Variants in TENM3 observed in about 807,000 individuals in gnomAD.
TENM3 encodes teneurin transmembrane protein 3.
TENM3 carries 63 observed loss-of-function variants against 255.1 expected under a neutral mutation model. The ratio of observed to expected loss-of-function variants is 0.25; its 90% CI spans 0.20 to 0.30. TENM3 has a LOEUF of 0.30. Ranked by LOEUF, TENM3 falls within the 10% of genes least tolerant of loss-of-function variation. TENM3 has a pLI of 1.00. For synonymous variants in TENM3, 1,306 were observed against 1,322.3 expected (o/e 0.99, Z 0.27); for missense variants, 2,929 against 3,461.1 (o/e 0.85, Z 3.86).
chr4:181,457,499 A>G, the TENM3 span, among the ~76,000 whole-genome samples: 20,131 of 151,730 alleles, frequency 0.13, 1,512 homozygotes, highest in East Asian at 0.27. Context: ...TCAAGAGAAT[A>G]GTGCATTATT....
chr4:181,909,334 T>C, the TENM3 span, among the ~76,000 whole-genome samples: 1 of 152,234 alleles, frequency 6.6e-6, no homozygotes, highest in Non-Finnish European at 1.5e-5. Flanking sequence ...TGTGGTATTG[T>C]GGGGACTAAA....
At chr4:181,803,569 T>G in the TENM3 span, among the ~76,000 whole-genome samples, 1 of 152,138 alleles carries the variant, frequency 6.6e-6, no homozygotes, top group Non-Finnish European at 1.5e-5. Flanking sequence ...TCTAGACCAG[T>G]GCCTTAAACT....
At chr4:181,481,301 TG>T in the TENM3 span, among the ~76,000 whole-genome samples, 3 of 152,118 alleles carry the variant, frequency 2.0e-5, no homozygotes, top group African/African-American at 7.2e-5. Context: ...GGTAACATGA[TG>T]TTTCATGCCG....
the TENM3 span, among the ~76,000 whole-genome samples, chr4:181,633,080 G>A: frequency 6.6e-6 from 1 of 152,050 alleles, no homozygotes; most frequent in African/African-American, 2.4e-5. Flanking sequence ...TCTTCCCTGG[G>A]GGAAACTTCA....
At chr4:182,069,686 A>AACACACACACACAC in the TENM3 span, among the ~76,000 whole-genome samples, 3,677 of 149,516 alleles carry the variant, frequency 0.025, 77 homozygotes, top group South Asian at 0.059. Context: ...TAGATGCATA[A>AACACACACACACAC]ACACACACAC....
chr4:181,616,079 TAAC>T, the TENM3 span, among the ~76,000 whole-genome samples: 2 of 151,988 alleles, frequency 1.3e-5, no homozygotes, highest in Admixed American at 1.3e-4. Flanking sequence ...TAAATGTAAA[TAAC>T]AACACAAATG....
At chr4:182,132,032 GA>G in the TENM3 span, among the ~76,000 whole-genome samples, 1 of 822 alleles carries the variant, frequency 1.2e-3, no homozygotes, top group African/African-American at 2.0e-3. Context: ...TTAAAACAGT[GA>G]TTTTTACTTT....
the TENM3 span, among the ~76,000 whole-genome samples, chr4:181,857,310 C>T: frequency 7.0e-6 from 1 of 142,680 alleles, no homozygotes; most frequent in Admixed American, 7.4e-5. Flanking sequence ...AATACAAAGA[C>T]AGACGTCAGA....
intron 3 of TENM3, among the ~76,000 whole-genome samples, chr4:182,508,931 A>G (rs1046761501): frequency 2.0e-4 from 30 of 152,192 alleles, no homozygotes; most frequent in African/African-American, 6.5e-4. Context: ...CGTCCAGTAA[A>G]TTTTCTTTTG....
chr4:181,819,288 G>A, the TENM3 span, among the ~76,000 whole-genome samples: 3 of 151,932 alleles, frequency 2.0e-5, no homozygotes, highest in African/African-American at 4.8e-5. Context: ...CACCCAAAAC[G>A]AGATCCAATT....
intron 4 of TENM3, among the ~76,000 whole-genome samples, chr4:182,611,222 A>C (rs1434078066): frequency 6.6e-6 from 1 of 152,050 alleles, no homozygotes; most frequent in African/African-American, 2.4e-5. Flanking sequence ...ACAAAACCTC[A>C]ACCCCCAAAT....
intron 2 of TENM3, among the ~76,000 whole-genome samples, chr4:182,326,714 C>CT (rs1235034824): frequency 7.4e-6 from 1 of 134,366 alleles, no homozygotes; most frequent in East Asian, 2.3e-4. Context: ...ATTTTAAAGA[C>CT]ATTTTTTTTA....
the TENM3 span, among the ~76,000 whole-genome samples, chr4:181,979,238 G>T: frequency 4.2e-5 from 6 of 143,250 alleles, no homozygotes; most frequent in Non-Finnish European, 6.0e-5. Context: ...TTTTTTCTTC[G>T]TATTTCTTAT....
At chr4:182,775,679 C>T (rs756899161) in intron 24 of TENM3, among the ~76,000 whole-genome samples, 6 of 152,146 alleles carry the variant, frequency 3.9e-5, no homozygotes, top group Non-Finnish European at 7.3e-5. Flanking sequence ...GTGCACACAG[C>T]GTCACACCTG....
the TENM3 span, among the ~76,000 whole-genome samples, chr4:181,832,220 C>A: frequency 6.6e-6 from 1 of 151,982 alleles, no homozygotes; most frequent in African/African-American, 2.4e-5. Flanking sequence ...AGTGGGTCCC[C>A]AAGAGCTGCG....
intron 1 of TENM3, among the ~76,000 whole-genome samples, chr4:182,271,934 G>A (rs1447122120): frequency 6.6e-6 from 1 of 152,218 alleles, no homozygotes; most frequent in African/African-American, 2.4e-5. Flanking sequence ...TTCACGGAGG[G>A]TGTGTGAACA....
intron 1 of TENM3, among the ~76,000 whole-genome samples, chr4:182,290,355 G>T (rs1409969312): frequency 1.3e-5 from 2 of 152,196 alleles, no homozygotes; most frequent in Non-Finnish European, 2.9e-5. Flanking sequence ...AAACTGAGCA[G>T]TTGCTTGTAT....
chr4:181,788,295 A>G, the TENM3 span, among the ~76,000 whole-genome samples: 1 of 152,128 alleles, frequency 6.6e-6, no homozygotes, highest in African/African-American at 2.4e-5. Context: ...AGTACCTAGC[A>G]CTGTGCTGGG....
chr4:181,789,602 C>T, the TENM3 span, among the ~76,000 whole-genome samples: 26,863 of 151,896 alleles, frequency 0.18, 3,104 homozygotes, highest in Non-Finnish European at 0.26. Flanking sequence ...GACTGGGCAC[C>T]CCAGCTAGAC....
Sources: gnomAD v4.1 joint callset for allele counts (sites outside exome capture counted in the v4.1 genomes callset) on GRCh38, gnomAD v4.1.1 for gene constraint, MANE v1.5 for transcripts, NCBI Gene and HGNC (gene_info 2026-07-23, HGNC 2026-07-21) for gene names.